ABHD3: variants seen among roughly 807,000 people sequenced by gnomAD.
The protein encoded by ABHD3 is phospholipase ABHD3.
ABHD3 carries 46 observed loss-of-function variants against 48.8 expected under a neutral mutation model. The observed-to-expected ratio is 0.94, with a 90% CI of 0.74 to 1.20. The LOEUF is 1.20. Ranked by LOEUF, ABHD3 falls within the 50% of genes most tolerant of loss-of-function variation. The probability of loss-of-function intolerance (pLI) is 0.00; values close to 1 mark genes in which losing one functional copy is unlikely to be tolerated. For missense variants in ABHD3, 490 were observed against 497.8 expected, an observed-to-expected ratio of 0.98 and a Z score of 0.15; for synonymous variants, 192 against 183.7, an observed-to-expected ratio of 1.04 and a Z score of -0.36.
At position 21,704,510 on chromosome 18, in the gene ABHD3, A is replaced by G; in HGVS notation, c.156T>C (p.Ile52=). 6.8e-7 allele frequency: 1 copy of G among 1,460,946 alleles called. No homozygotes were observed. The highest frequency in any genetic ancestry group is 9.1e-7 in the Non-Finnish European group (1 of 1,100,640). The allele number at this position is 1,460,946 out of a possible 1,614,324, so 90.5% of individuals were successfully genotyped here. A position where few individuals can be genotyped will look rare whatever the true frequency, so the allele number is the denominator to read the frequency against. ...TGCGCCACCCCCGGCTCACCTTGGC[A>G]ATGCTGCTCAGGTAGTAGAAGGCAT... ...VAYAFYYLSS[I]AKKPQLVTGG... Residue 52 remains isoleucine (I), a synonymous_variant, in exon 1 of 9, where the codon ATT becomes ATC. Transcript: ENST00000289119.
At chr18:21,678,817 A>G (rs2039945718) in intron 4 of ABHD3, among the ~76,000 whole-genome samples, 1 of 152,290 alleles carries the variant, frequency 6.6e-6, no homozygotes, top group Non-Finnish European at 1.5e-5. Flanking sequence ...CCTGCAGGAA[A>G]CAGACCCAAG....
chr18:21,702,570 CAT>C (rs1374368409), intron 2 of ABHD3, 72 bp from the exon 3 acceptor site: 22 of 1,269,026 alleles, frequency 1.7e-5, no homozygotes, highest in Admixed American at 6.2e-5. Flanking sequence ...ATTCTAAACA[CAT>C]GACATTATTT....
intron 4 of ABHD3, among the ~76,000 whole-genome samples, chr18:21,680,233 C>T (rs916124381): frequency 6.6e-5 from 10 of 151,974 alleles, no homozygotes; most frequent in African/African-American, 2.2e-4. Context: ...CCACGTTGAT[C>T]TCGAACTCCT....
rs190167951 is a variant in ABHD3, at chr18:21,703,753, G to C, written c.163-6C>G. ...CCGGTCACTAACTGGGGTTTCTGAA[G>C]GGAAAAGCAGTATCAGAGAAGGGCC... On this transcript the variant is annotated splice_region_variant and splice_polypyrimidine_tract_variant and intron_variant, in intron 1 of 8. Transcript: ENST00000289119. The C allele has an allele frequency of 2.5e-6, 4 of 1,612,084 alleles. No homozygotes were observed. The highest frequency in any genetic ancestry group is 4.5e-5 in the East Asian group (2 of 44,788).
At chr18:21,703,982 C>G (rs934473081) in intron 1 of ABHD3, among the ~76,000 whole-genome samples, 1 of 152,230 alleles carries the variant, frequency 6.6e-6, no homozygotes, top group African/African-American at 2.4e-5. Flanking sequence ...AACTCCGCCT[C>G]CCGGGTTCAG....
Position 21,700,827 on chromosome 18 carries a change from C to CAAAAAAAAAAAAAAAAAAAAAAAAAAAA in ABHD3, c.509+1488_509+1489insTTTTTTTTTTTTTTTTTTTTTTTTTTTT, listed in dbSNP as rs375239917. On this transcript the variant is annotated intron_variant, in intron 3 of 8. Transcript: ENST00000289119. ...TTTCTGAGCATGACTAAGTTTTAGC[C>CAAAAAAAAAAAAAAAAAAAAAAAAAAAA]AAAAAAAAAAAAAAAAAAAAAATGG... Among the ~76,000 whole-genome samples, 6 of 94,378 alleles carry CAAAAAAAAAAAAAAAAAAAAAAAAAAAA rather than the reference C, an allele frequency of 6.4e-5. 1 individual carries two copies. The highest frequency in any genetic ancestry group is 1.7e-4 in the African/African-American group (5 of 28,670). The allele number at this position is 94,378 out of a possible 152,430, so 61.9% of individuals were successfully genotyped here. A position where few individuals can be genotyped will look rare whatever the true frequency, so the allele number is the denominator to read the frequency against.
intron 4 of ABHD3, among the ~76,000 whole-genome samples, chr18:21,673,452 G>C (rs1328778214): frequency 6.6e-6 from 1 of 151,664 alleles, no homozygotes; most frequent in African/African-American, 2.4e-5. Flanking sequence ...ACCACCACAC[G>C]CTTGGCTAAT....
intron 6 of ABHD3, 58 bp from the exon 7 acceptor site, chr18:21,657,210 A>T: frequency 1.3e-6 from 2 of 1,491,334 alleles, no homozygotes; most frequent in Non-Finnish European, 1.8e-6. Flanking sequence ...CATCATACTA[A>T]AAGGACTTAA....
At chr18:21,675,572 T>C (rs2039865676) in intron 4 of ABHD3, among the ~76,000 whole-genome samples, 1 of 151,254 alleles carries the variant, frequency 6.6e-6, no homozygotes, top group Admixed American at 6.6e-5. Context: ...CAGCCTGAGG[T>C]GGTTTTGTTT....
intron 3 of ABHD3, among the ~76,000 whole-genome samples, chr18:21,696,637 C>G (rs2040376717): frequency 6.6e-6 from 1 of 152,044 alleles, no homozygotes; most frequent in Non-Finnish European, 1.5e-5. Flanking sequence ...TTAGAGAAAA[C>G]TGCCTTTTCT....
intron 3 of ABHD3, among the ~76,000 whole-genome samples, chr18:21,691,436 C>T (rs185496801): frequency 1.3e-5 from 2 of 152,310 alleles, no homozygotes; most frequent in East Asian, 3.9e-4. Flanking sequence ...AGAGAATACA[C>T]ATTCTTTTCA....
Position 21,659,351 on chromosome 18 carries a change from G to T in ABHD3, c.669-8C>A, listed in dbSNP as rs754432437. 2 of 1,601,474 alleles carry T rather than the reference G, an allele frequency of 1.2e-6. No homozygotes were observed. The highest frequency in any genetic ancestry group is 4.5e-5 in the East Asian group (2 of 44,616). On this transcript the variant is annotated splice_polypyrimidine_tract_variant and splice_region_variant and intron_variant, in intron 5 of 8. Transcript: ENST00000289119. ...TAATTTAGAAGCAGCATTCTAAAAT[G>T]GGGAGAAACAGGAAACTCAGTGATT...
chr18:21,693,934 A>T (rs1168313010), intron 3 of ABHD3, among the ~76,000 whole-genome samples: 2 of 151,772 alleles, frequency 1.3e-5, no homozygotes, highest in African/African-American at 4.8e-5. Context: ...AGCCTCTCTC[A>T]TCTCTCCTCC....
chr18:21,659,388 T>C, intron 5 of ABHD3, 45 bp from the exon 6 acceptor site: 1 of 1,557,918 alleles, frequency 6.4e-7, no homozygotes, highest in Non-Finnish European at 8.7e-7. Flanking sequence ...ATTTGTTGTA[T>C]CACAGAAGAC....
At chr18:21,698,243 T>C (rs1304146708) in intron 3 of ABHD3, among the ~76,000 whole-genome samples, 1 of 151,910 alleles carries the variant, frequency 6.6e-6, no homozygotes, top group Non-Finnish European at 1.5e-5. Context: ...TGGAGTGCAA[T>C]GGTGCGATCT....
At chr18:21,675,452 A>G (rs2039860609) in intron 4 of ABHD3, among the ~76,000 whole-genome samples, 1 of 151,792 alleles carries the variant, frequency 6.6e-6, no homozygotes, top group Non-Finnish European at 1.5e-5. Context: ...TGTTTTTAGT[A>G]GAGACAGGGT....
intron 3 of ABHD3, among the ~76,000 whole-genome samples, chr18:21,697,637 T>A (rs1598562941): frequency 6.6e-6 from 1 of 152,334 alleles, no homozygotes; most frequent in Non-Finnish European, 1.5e-5. Flanking sequence ...CGCCTCGGCC[T>A]CCCAAGGTGC....
chr18:21,702,718 T>A (rs2040540403), intron 2 of ABHD3, among the ~76,000 whole-genome samples: 1 of 152,132 alleles, frequency 6.6e-6, no homozygotes, highest in African/African-American at 2.4e-5. Context: ...CCGTACAAGG[T>A]CGTATATAAA....
chr18:21,659,093 C>A, intron 6 of ABHD3, 77 bp downstream of exon 6: 1 of 1,422,630 alleles, frequency 7.0e-7, no homozygotes, highest in Non-Finnish European at 9.5e-7. Context: ...CCCGCCTCAG[C>A]CTCCCAAAGT....
Sources: allele counts gnomAD v4.1 joint callset (sites outside exome capture counted in the v4.1 genomes callset), GRCh38; gene constraint gnomAD v4.1.1; transcripts MANE v1.5; gene names NCBI Gene and HGNC (gene_info 2026-07-23, HGNC 2026-07-21).